The following GALR1 variants were observed in gnomAD, a reference collection of about 807,000 sequenced individuals.
GALR1 encodes the protein galanin receptor 1.
GALR1 carries 11 observed loss-of-function variants against 17.9 expected under a neutral mutation model. The observed-to-expected ratio is 0.62, with a 90% CI of 0.39 to 1.02. The LOEUF is 1.02. Ranked by LOEUF, GALR1 falls within the 50% of genes least tolerant of loss-of-function variation. The pLI, the probability that GALR1 is intolerant of heterozygous loss-of-function variation, is 0.01. For synonymous variants in GALR1, 206 were observed against 205.7 expected, an observed-to-expected ratio of 1.00 and a Z score of -0.01; for missense variants, 441 against 456.9, an observed-to-expected ratio of 0.97 and a Z score of 0.32.
Position 77,269,497 on chromosome 18 carries a change from TCATTATGAGATACAGTCGGTTTACC to T in GALR1, c.*596_*620del, listed in dbSNP as rs1913018243. ...TAGCGCACAGAGCTTTGGAAGCCTGTCATTATGAGATACAGTCGGTTTACCTCAGGAGTCAATTCAGTGTTGTACT... is the reference window on the plus strand; with the variant it reads ...TAGCGCACAGAGCTTTGGAAGCCTGTTCAGGAGTCAATTCAGTGTTGTACT... On this transcript the variant is annotated 3_prime_UTR_variant, in exon 3 of 3. Coordinates refer to ENST00000299727, the MANE Select transcript of GALR1 (RefSeq NM_001480.4). 1 of 152,530 alleles carries T rather than the reference TCATTATGAGATACAGTCGGTTTACC, an allele frequency of 6.6e-6. No homozygotes were observed. The highest frequency in any genetic ancestry group is 2.1e-4 in the South Asian group (1 of 4,836). 9.4% of individuals were successfully genotyped at this position (152,530 alleles called of 1,614,324 possible).
rs553641433 is a variant in GALR1 at position 77,254,810 on chromosome 18, C to T, written c.667-1348C>T. ...CCTTGTCAATGTATTGAGTGTTTTC[C>T]CAAATGCTCCTGCGGCACGTAAACA... On this transcript the variant is annotated intron_variant, in intron 1 of 2. Transcript: ENST00000299727. Among the ~76,000 whole-genome samples, 160 of 152,304 alleles carry T rather than the reference C, an allele frequency of 1.1e-3. 1 individual carries two copies. In the South Asian group the frequency reaches 0.021, roughly 20 times the overall value.
chr18:77,251,323 C>T (rs1026661725), intron 1 of GALR1, 109 bp downstream of exon 1: 7 of 1,437,386 alleles, frequency 4.9e-6, no homozygotes, highest in African/African-American at 1.4e-5. Context: ...GGCAGCCTGG[C>T]CCCGGTGGTC....
At position 77,272,661 on chromosome 18, in the gene GALR1, A is replaced by C. The variant is rs1913086385; in HGVS notation, c.*3759A>C. On this transcript the variant is annotated 3_prime_UTR_variant, in exon 3 of 3. Transcript: ENST00000299727. ...TGTAAGTGGGTTTCTATGAAAGGTA[A>C]TCGTATTCTTCTTGACCATTAAAAA... 1 of 152,214 alleles carries C rather than the reference A, an allele frequency of 6.6e-6. No homozygotes were observed. Among genetic ancestry groups the C allele is most frequent in the Admixed American group, 6.5e-5 (1 of 15,280 alleles). The allele number at this position is 152,214 out of a possible 1,614,324, so 9.4% of individuals were successfully genotyped here.
chr18:77,267,551 A>G (rs1912969690), intron 2 of GALR1, among the ~76,000 whole-genome samples: 1 of 152,154 alleles, frequency 6.6e-6, no homozygotes, highest in Admixed American at 6.5e-5. Context: ...GCGGCACTAG[A>G]GGTTGTGTGT....
At chr18:77,252,539 T>C (rs12961547) in intron 1 of GALR1, among the ~76,000 whole-genome samples, 10,035 of 152,244 alleles carry the variant, frequency 0.066, 377 homozygotes, top group Middle Eastern at 0.13. Flanking sequence ...TGAATAATAA[T>C]ATTGCTGGAT....
chr18:77,267,212 C>T (rs922509105), intron 2 of GALR1, among the ~76,000 whole-genome samples: 3 of 152,198 alleles, frequency 2.0e-5, no homozygotes, highest in African/African-American at 7.2e-5. Flanking sequence ...GCCTTTATTG[C>T]CCACACAGCT....
At chr18:77,263,332 A>AAGCC (rs1002031389) in intron 2 of GALR1, among the ~76,000 whole-genome samples, 1 of 152,188 alleles carries the variant, frequency 6.6e-6, no homozygotes, top group Non-Finnish European at 1.5e-5. Context: ...AGTGGCTTTA[A>AAGCC]TATGTAAGCT....
Position 77,250,555 on chromosome 18 carries a change from C to T in GALR1, c.7C>T (p.Leu3=). Residue 3 remains leucine, a synonymous_variant, in exon 1 of 3, where the codon CTG becomes TTG. Coordinates refer to ENST00000299727, the MANE Select transcript of GALR1 (RefSeq NM_001480.4). ME[L]AVGNLSEGNA... is the part of the protein sequence containing the mutation. Reference sequence around the variant, plus strand: ...CGGGACAGCCCCGCGGGCCATGGAGCTGGCGGTCGGGAACCTCAGCGAGGG... The same window carrying T: ...CGGGACAGCCCCGCGGGCCATGGAGTTGGCGGTCGGGAACCTCAGCGAGGG... The T allele has an allele frequency of 6.5e-7, 1 of 1,528,052 alleles. No homozygotes were observed. The highest frequency in any genetic ancestry group is 8.7e-7 in the Non-Finnish European group (1 of 1,142,914). 94.7% of individuals were successfully genotyped at this position (1,528,052 alleles called of 1,614,324 possible).
chr18:77,264,748 A>T (rs967542932), intron 2 of GALR1, among the ~76,000 whole-genome samples: 1 of 152,228 alleles, frequency 6.6e-6, no homozygotes, highest in African/African-American at 2.4e-5. Context: ...CACGTCCTTC[A>T]TATGGCAGCA....
chr18:77,252,744 A>G (rs1912447213), intron 1 of GALR1, among the ~76,000 whole-genome samples: 1 of 151,744 alleles, frequency 6.6e-6, no homozygotes, highest in Non-Finnish European at 1.5e-5. Context: ...GCTACTCCGG[A>G]GGCTGAGACA....
Position 77,250,483 on chromosome 18 carries a change from C to A in GALR1, c.-66C>A, listed in dbSNP as rs1269348826. 3 of 1,399,354 alleles carry A rather than the reference C, an allele frequency of 2.1e-6. No homozygotes were observed. Among genetic ancestry groups the A allele is most frequent in the Non-Finnish European group, 2.8e-6 (3 of 1,084,072 alleles). 86.7% of individuals were successfully genotyped at this position (1,399,354 alleles called of 1,614,324 possible). ...TTGCGCCGGGACCCCTGGCCACCCC[C>A]GGCGCCTACTATCCCGCCCTCCCTC... On this transcript the variant is annotated 5_prime_UTR_variant, in exon 1 of 3. Transcript: ENST00000299727.
rs1674805835 is a variant in GALR1, at chr18:77,270,048, G to C, written c.*1146G>C. ...TTTGGGGTTAAAACCATCACCATTTGAATTTCAAATGTAGTTTTCATGACA... is the reference window on the plus strand; with the variant it reads ...TTTGGGGTTAAAACCATCACCATTTCAATTTCAAATGTAGTTTTCATGACA... On this transcript the variant is annotated 3_prime_UTR_variant, in exon 3 of 3. Transcript: ENST00000299727. 1 of 152,144 alleles carries C rather than the reference G, an allele frequency of 6.6e-6. No individual in the cohort carries two copies. The highest frequency in any genetic ancestry group is 2.1e-4 in the South Asian group (1 of 4,836). 9.4% of individuals were successfully genotyped at this position (152,144 alleles called of 1,614,324 possible).
intron 2 of GALR1, among the ~76,000 whole-genome samples, chr18:77,258,710 GTGGTGCTGGTGATGGTGGTGA>G (rs1912679476): frequency 1.8e-5 from 1 of 57,014 alleles, no homozygotes; most frequent in African/African-American, 5.8e-5. Flanking sequence ...TCATGTGATG[GTGGTGCTGGTGATGGTGGTGA>G]TGGTGATGAT....
intron 2 of GALR1, among the ~76,000 whole-genome samples, chr18:77,262,102 A>G (rs979221466): frequency 6.6e-6 from 1 of 152,162 alleles, no homozygotes; most frequent in Non-Finnish European, 1.5e-5. Flanking sequence ...TGGTGGGATT[A>G]CAGGCATGAG....
At chr18:77,262,219 A>T (rs575736152) in intron 2 of GALR1, among the ~76,000 whole-genome samples, 1 of 118,308 alleles carries the variant, frequency 8.5e-6, no homozygotes, top group East Asian at 2.4e-4. Flanking sequence ...TATCCGAATT[A>T]AAAAAAAAAA....
chr18:77,260,589 G>A (rs1312429746), intron 2 of GALR1, among the ~76,000 whole-genome samples: 3 of 152,178 alleles, frequency 2.0e-5, no homozygotes, highest in Admixed American at 6.5e-5. Flanking sequence ...AGATGGTGCC[G>A]CCGTCCATAC....
rs1171008081 is a variant in GALR1 at position 77,250,372 on chromosome 18, C to T, written c.-177C>T. On this transcript the variant is annotated 5_prime_UTR_variant, in exon 1 of 3. Transcript: ENST00000299727. ...AGAAGGTCCCGGCGCAAAGACGGTG[C>T]CACCAGGCACGGCCACCGGATCCCC... 1.9e-4 allele frequency among the ~76,000 whole-genome samples: 29 copies of T among 152,170 alleles called. No individual in the cohort carries two copies. Among genetic ancestry groups the T allele is most frequent in the Admixed American group, 1.9e-3 (29 of 15,292 alleles).
At position 77,273,304 on chromosome 18, in the gene GALR1, T is replaced by C. The variant is rs1242562492; in HGVS notation, c.*4402T>C. The stretch of plus-strand genomic sequence containing the variant: ...GATGATTCTCAGGTTTTGTTCTAGG[T>C]GCAGAAATAGTGGGAGAGGCCATAA... On this transcript the variant is annotated 3_prime_UTR_variant, in exon 3 of 3. Coordinates refer to ENST00000299727, the MANE Select transcript of GALR1 (RefSeq NM_001480.4). 6.6e-6 allele frequency: 1 copy of C among 152,138 alleles called. No individual in the cohort carries two copies. Among genetic ancestry groups the C allele is most frequent in the Non-Finnish European group, 1.5e-5 (1 of 68,100 alleles). The allele number at this position is 152,138 out of a possible 1,614,324, so 9.4% of individuals were successfully genotyped here. A position where few individuals can be genotyped will look rare whatever the true frequency, so the allele number is the denominator to read the frequency against.
Position 77,250,671 on chromosome 18 carries a change from C to T in GALR1, c.123C>T (p.Gly41=). Residue 41 remains glycine, a synonymous_variant, in exon 1 of 3, where the codon GGC becomes GGT. Coordinates refer to ENST00000299727, the MANE Select transcript of GALR1 (RefSeq NM_001480.4). ...VENFVTLVVF[G]LIFALGVLGN... is the part of the protein sequence containing the mutation. ...ACTTCGTCACGCTGGTGGTGTTCGG[C>T]CTGATCTTCGCGCTGGGTGTGCTGG... The T allele has an allele frequency of 1.9e-6, 3 of 1,612,076 alleles. No homozygotes were observed. The highest frequency in any genetic ancestry group is 2.5e-6 in the Non-Finnish European group (3 of 1,179,580).
Sources: allele counts gnomAD v4.1 joint callset (sites outside exome capture counted in the v4.1 genomes callset), GRCh38; gene constraint gnomAD v4.1.1; transcripts MANE v1.5; gene names NCBI Gene and HGNC (gene_info 2026-07-23, HGNC 2026-07-21).